Variants in PRKG1 observed in about 807,000 individuals in gnomAD.
The protein encoded by PRKG1 is protein kinase cGMP-dependent 1, also known as cGMP-dependent protein kinase 1.
PRKG1 carries 35 observed loss-of-function variants against 88.1 expected under a neutral mutation model. The observed-to-expected ratio is 0.40, with a 90% confidence interval of 0.30 to 0.53. The LOEUF (loss-of-function observed/expected upper bound fraction) is 0.53. Among genes scored for constraint, PRKG1 ranks in the 20% least tolerant of loss-of-function variants. The pLI is 0.59. For synonymous variants in PRKG1, 303 were observed against 292.5 expected, an observed-to-expected ratio of 1.04 and a Z score of -0.37; for missense variants, 540 against 839.8, an observed-to-expected ratio of 0.64 and a Z score of 4.41.
intron 5 of PRKG1, among the ~76,000 whole-genome samples, chr10:52,015,638 G>T (rs1014889610): frequency 1.3e-5 from 2 of 152,092 alleles, no homozygotes; most frequent in African/African-American, 4.8e-5. Context: ...TCTATTACAT[G>T]GTCAGGATGC....
chr10:51,728,907 G>A (rs1287791911), intron 3 of PRKG1, among the ~76,000 whole-genome samples: 1 of 152,142 alleles, frequency 6.6e-6, no homozygotes, highest in Non-Finnish European at 1.5e-5. Context: ...CTTTGGAATC[G>A]TATATGAACT....
At chr10:51,999,267 T>C (rs1844532872) in intron 5 of PRKG1, among the ~76,000 whole-genome samples, 1 of 152,208 alleles carries the variant, frequency 6.6e-6, no homozygotes, top group Non-Finnish European at 1.5e-5. Context: ...GGGCGTTACA[T>C]TGTCCGGGAC....
At chr10:51,845,201 T>G (rs765213794) in intron 4 of PRKG1, among the ~76,000 whole-genome samples, 11 of 152,108 alleles carry the variant, frequency 7.2e-5, no homozygotes, top group Non-Finnish European at 8.8e-5. Context: ...GCTTTCCAAC[T>G]TTCATATTTT....
intron 3 of PRKG1, among the ~76,000 whole-genome samples, chr10:51,554,878 A>G (rs569415494): frequency 1.1e-4 from 16 of 151,948 alleles, no homozygotes; most frequent in African/African-American, 3.9e-4. Context: ...TTTTTAATAT[A>G]AGGCTAGAGA....
chr10:52,186,307 T>C (rs1223328908), intron 9 of PRKG1, among the ~76,000 whole-genome samples: 1 of 152,038 alleles, frequency 6.6e-6, no homozygotes, highest in Non-Finnish European at 1.5e-5. Context: ...TCCCAGACTT[T>C]TAAACAACCA....
intron 2 of PRKG1, among the ~76,000 whole-genome samples, chr10:51,392,277 G>GCCTTCC (rs1837424626): frequency 6.6e-6 from 1 of 151,834 alleles, no homozygotes. Context: ...AGGACCCTGC[G>GCCTTCC]GCCTTCCGCA....
chr10:51,490,375 A>G (rs983593824), intron 3 of PRKG1, among the ~76,000 whole-genome samples: 4 of 152,180 alleles, frequency 2.6e-5, no homozygotes, highest in Non-Finnish European at 1.5e-5. Context: ...ATGCAGCAAC[A>G]TAAGTGAAAA....
chr10:52,073,166 G>A (rs994752799), intron 7 of PRKG1, among the ~76,000 whole-genome samples: 10 of 152,048 alleles, frequency 6.6e-5, no homozygotes, highest in Non-Finnish European at 1.0e-4. Context: ...TTCCCTCTGC[G>A]TGTGCCTCTG....
At chr10:51,920,573 G>A (rs949411973) in intron 5 of PRKG1, among the ~76,000 whole-genome samples, 7 of 152,098 alleles carry the variant, frequency 4.6e-5, no homozygotes, top group African/African-American at 1.4e-4. Flanking sequence ...ATGCATATAT[G>A]TGTGTGTTTA....
chr10:51,947,883 C>CA (rs1380949565), intron 5 of PRKG1, among the ~76,000 whole-genome samples: 1 of 152,018 alleles, frequency 6.6e-6, no homozygotes, highest in Non-Finnish European at 1.5e-5. Context: ...GAGATGACAG[C>CA]ACCAAAGAAA....
intron 3 of PRKG1, among the ~76,000 whole-genome samples, chr10:51,783,881 T>G (rs1358046148): frequency 1.2e-4 from 19 of 152,184 alleles, no homozygotes; most frequent in Admixed American, 1.2e-3. Flanking sequence ...AAGTGTGTGA[T>G]GTGAACTTGT....
rs562433412 is a variant in PRKG1 at position 51,741,107 on chromosome 10, G to T, written c.593-63478G>T. Among the ~76,000 whole-genome samples, 8 of 151,588 alleles carry T rather than the reference G, an allele frequency of 5.3e-5. No homozygotes were observed. In the South Asian group the frequency reaches 1.7e-3, roughly 32 times the overall value. ...CTATTATTTTTTAAACTTAATGTTGGGAAACAATGGGAGGTGGATCTGAAT... is the reference window on the plus strand; with the variant it reads ...CTATTATTTTTTAAACTTAATGTTGTGAAACAATGGGAGGTGGATCTGAAT... On this transcript the variant is annotated intron_variant, in intron 3 of 17. Coordinates refer to ENST00000373980, the MANE Select transcript of PRKG1 (RefSeq NM_006258.4).
chr10:51,629,475 C>A (rs780274055), intron 3 of PRKG1, among the ~76,000 whole-genome samples: 2 of 151,548 alleles, frequency 1.3e-5, no homozygotes, highest in Non-Finnish European at 2.9e-5. Context: ...TGGGAGACAG[C>A]GACACCCAAA....
intron 1 of PRKG1, among the ~76,000 whole-genome samples, chr10:51,003,165 AAACAACAACAACAACAACAACAAC>A (rs67761270): frequency 2.0e-4 from 30 of 150,938 alleles, no homozygotes; most frequent in African/African-American, 6.8e-4. Flanking sequence ...TGCAGGGCCA[AAACAACAACAACAACAACAACAAC>A]AACAACAACA....
intron 3 of PRKG1, among the ~76,000 whole-genome samples, chr10:51,674,356 T>G (rs1383321555): frequency 5.3e-5 from 8 of 151,958 alleles, no homozygotes; most frequent in Non-Finnish European, 1.2e-4. Flanking sequence ...GGCCCTGGTG[T>G]GTGATGTTCC....
At chr10:52,105,773 C>T (rs1478068069) in intron 7 of PRKG1, among the ~76,000 whole-genome samples, 1 of 151,944 alleles carries the variant, frequency 6.6e-6, no homozygotes, top group Non-Finnish European at 1.5e-5. Flanking sequence ...TTGTCCCTCC[C>T]CCAACTCTCT....
intron 3 of PRKG1, among the ~76,000 whole-genome samples, chr10:51,644,810 A>G (rs963682291): frequency 2.6e-5 from 4 of 151,846 alleles, no homozygotes; most frequent in African/African-American, 9.7e-5. Flanking sequence ...TCTTGAGACC[A>G]AGTCTCACTC....
chr10:52,077,280 G>A (rs184870233), intron 7 of PRKG1, among the ~76,000 whole-genome samples: 7 of 152,044 alleles, frequency 4.6e-5, no homozygotes, highest in East Asian at 3.9e-4. Flanking sequence ...AAATAATTAC[G>A]ATGAAAACTT....
At chr10:51,264,964 G>A (rs868048494) in intron 2 of PRKG1, among the ~76,000 whole-genome samples, 5 of 152,208 alleles carry the variant, frequency 3.3e-5, no homozygotes, top group Admixed American at 1.3e-4. Context: ...GATACAGGAC[G>A]TCAATGCTGA....
Sources: allele counts gnomAD v4.1 joint callset (sites outside exome capture counted in the v4.1 genomes callset), GRCh38; gene constraint gnomAD v4.1.1; transcripts MANE v1.5; gene names NCBI Gene and HGNC (gene_info 2026-07-23, HGNC 2026-07-21).